ADAM32: variants seen among roughly 807,000 people sequenced by gnomAD.
The protein encoded by ADAM32 is ADAM metallopeptidase domain 32.
Under a neutral mutation model 114.9 loss-of-function variants are expected in ADAM32, and 89 were observed. The ratio of observed to expected loss-of-function variants is 0.77; its 90% CI spans 0.65 to 0.92. ADAM32 has a LOEUF of 0.92. Among genes scored for constraint, ADAM32 ranks in the 40% least tolerant of loss-of-function variants. The pLI is 0.00. For synonymous variants in ADAM32, 285 were observed against 307.5 expected (o/e 0.93, Z 0.77); for missense variants, 870 against 932.8 (o/e 0.93, Z 0.88).
intron 12 of ADAM32, among the ~76,000 whole-genome samples, chr8:39,216,042 T>C (rs530017754): frequency 6.0e-4 from 91 of 152,160 alleles, no homozygotes; most frequent in African/African-American, 2.1e-3. Context: ...AGCTCTCTCT[T>C]TAGCTCTAAT....
intron 10 of ADAM32, among the ~76,000 whole-genome samples, chr8:39,181,121 G>C (rs1239499296): frequency 6.6e-6 from 1 of 152,236 alleles, no homozygotes; most frequent in Admixed American, 6.5e-5. Context: ...GCCAGCAGTG[G>C]CAACCCGCTT....
Position 39,279,739 on chromosome 8 carries a change from T to A in ADAM32, c.2280-1397T>A, listed in dbSNP as rs9918744. ...CCTGCCTTGATTTGTGTGGAGATCC[T>A]AAATATTTCAATTTTGAAGATTTTT... On this transcript the variant is annotated intron_variant, in intron 22 of 24. Transcript: ENST00000379907. Among the ~76,000 whole-genome samples, 901 of 152,282 alleles carry A rather than the reference T, an allele frequency of 5.9e-3. 11 individuals carry two copies. Among genetic ancestry groups the A allele is most frequent in the African/African-American group, 0.02 (827 of 41,560 alleles).
At position 39,203,506 on chromosome 8, in the gene ADAM32, A is replaced by G. The variant is rs184358208; in HGVS notation, c.1053-7638A>G. ...TTGGTAGATCGTCCTCCATCCCTTT[A>G]TTTTGAGCCTATGTGTGTCTCTGCA... On this transcript the variant is annotated intron_variant, in intron 11 of 24. Coordinates refer to ENST00000379907, the MANE Select transcript of ADAM32 (RefSeq NM_145004.7). Among the ~76,000 whole-genome samples the G allele has an allele frequency of 4.6e-5, 7 of 152,024 alleles. No individual in the cohort carries two copies. The East Asian group carries it at 1.2e-3, about 25-fold the overall frequency.
intron 2 of ADAM32, 141 bp downstream of exon 2, chr8:39,118,306 G>T: frequency 2.2e-6 from 1 of 445,500 alleles, no homozygotes; most frequent in Non-Finnish European, 3.8e-6. Flanking sequence ...AAGCTTTGAT[G>T]GTAAAAGCAA....
chr8:39,137,633 T>C (rs1348934771), intron 3 of ADAM32, among the ~76,000 whole-genome samples: 2 of 151,926 alleles, frequency 1.3e-5, no homozygotes, highest in African/African-American at 4.8e-5. Context: ...TAGCCAGGCA[T>C]GGTGGCGTGC....
In ADAM32 at chr8:39,210,326, G is replaced by A. The variant is rs116381052; in HGVS notation, c.1053-818G>A. 3.6e-3 allele frequency among the ~76,000 whole-genome samples: 554 copies of A among 152,314 alleles called. 5 individuals carry two copies. Among genetic ancestry groups the A allele is most frequent in the African/African-American group, 0.012 (509 of 41,566 alleles). On this transcript the variant is annotated intron_variant, in intron 11 of 24. Transcript: ENST00000379907. Reference sequence around the variant, plus strand: ...GGGATGGTGTAGGCAACGCAAAACTGTCATTCCTATGCTCTTCAATGTGTC... The same window carrying A: ...GGGATGGTGTAGGCAACGCAAAACTATCATTCCTATGCTCTTCAATGTGTC...
chr8:39,250,941 C>T (rs1811246210), intron 17 of ADAM32, among the ~76,000 whole-genome samples: 1 of 151,862 alleles, frequency 6.6e-6, no homozygotes, highest in Admixed American at 6.6e-5. Context: ...TCTTTCTGTG[C>T]TTATCCTATT....
At chr8:39,283,703 C>T in intron 24 of ADAM32, 79 bp downstream of exon 24, 10 of 1,178,578 alleles carry the variant, frequency 8.5e-6, no homozygotes, top group Non-Finnish European at 1.1e-5. Context: ...CTATTAATTC[C>T]TAAGTATGGA....
At chr8:39,229,586 A>G (rs1809602357) in intron 14 of ADAM32, among the ~76,000 whole-genome samples, 1 of 152,222 alleles carries the variant, frequency 6.6e-6, no homozygotes, top group Admixed American at 6.5e-5. Flanking sequence ...AAGCAACAGC[A>G]TTTAAAAGAG....
chr8:39,237,051 GA>G (rs1285225817), intron 16 of ADAM32, among the ~76,000 whole-genome samples: 1 of 152,200 alleles, frequency 6.6e-6, no homozygotes. Context: ...GTGAGTGGGG[GA>G]AAGTCTGGCT....
intron 11 of ADAM32, among the ~76,000 whole-genome samples, chr8:39,189,048 G>C (rs1806431200): frequency 6.6e-6 from 1 of 152,056 alleles, no homozygotes; most frequent in Admixed American, 6.6e-5. Flanking sequence ...CACTTTAGCA[G>C]GTGCCAGTAA....
chr8:39,214,124 TG>T (rs1238353103), intron 12 of ADAM32, among the ~76,000 whole-genome samples: 1 of 152,200 alleles, frequency 6.6e-6, no homozygotes, highest in Non-Finnish European at 1.5e-5. Context: ...TCCTGGCTAT[TG>T]AGAATAGTGC....
chr8:39,233,068 TGTTACCAGAAAG>T (rs1207459850), intron 15 of ADAM32, among the ~76,000 whole-genome samples: 1 of 152,186 alleles, frequency 6.6e-6, no homozygotes, highest in Non-Finnish European at 1.5e-5. Flanking sequence ...TCTCTAGTAT[TGTTACCAGAAAG>T]GGGTCTGAAT....
At chr8:39,188,457 T>C (rs776512581) in intron 11 of ADAM32, among the ~76,000 whole-genome samples, 3 of 152,178 alleles carry the variant, frequency 2.0e-5, no homozygotes, top group Non-Finnish European at 2.9e-5. Context: ...TCATTGTTCA[T>C]ATGGCCAGCT....
intron 19 of ADAM32, among the ~76,000 whole-genome samples, chr8:39,260,705 T>C (rs1811968456): frequency 6.6e-6 from 1 of 152,126 alleles, no homozygotes; most frequent in South Asian, 2.1e-4. Flanking sequence ...TATTGGCCTA[T>C]TATTTTCTTT....
At chr8:39,209,695 A>G (rs1203068576) in intron 11 of ADAM32, among the ~76,000 whole-genome samples, 1 of 152,160 alleles carries the variant, frequency 6.6e-6, no homozygotes, top group Non-Finnish European at 1.5e-5. Context: ...ACTAGATAGC[A>G]CCTTAAGCTC....
rs747125299 is a variant in ADAM32 at position 39,211,221 on chromosome 8, A to G, written c.1130A>G (p.Lys377Arg). ...AATTTCATTTCAAATGTGGGTGTCA[A>G]ATGTCTTCAGAATAAGCCACAAATG... ...FQNFISNVGV[K>R]CLQNKPQMQK... Residue 377 changes from lysine to arginine, a missense_variant, in exon 12 of 25, where the codon AAA becomes AGA. Physicochemically the swap from Lys to Arg is conservative, Grantham distance 26. Transcript: ENST00000379907. The G allele has an allele frequency of 5.6e-6, 9 of 1,608,290 alleles. No homozygotes were observed. In the Admixed American group the frequency reaches 1.5e-4, roughly 27 times the overall value.
At chr8:39,114,832 A>T (rs998669551) in intron 1 of ADAM32, among the ~76,000 whole-genome samples, 17 of 152,170 alleles carry the variant, frequency 1.1e-4, no homozygotes, top group African/African-American at 3.9e-4. Context: ...TAGTGAGCAC[A>T]GTATCTGAGA....
At chr8:39,132,038 CAT>C (rs1802494466) in intron 2 of ADAM32, 1 of 271,134 alleles carries the variant, frequency 3.7e-6, no homozygotes, top group Non-Finnish European at 7.8e-6. Flanking sequence ...GGATTACAGG[CAT>C]GCACCACCAC....
Sources: allele counts gnomAD v4.1 joint callset (sites outside exome capture counted in the v4.1 genomes callset), GRCh38; gene constraint gnomAD v4.1.1; transcripts MANE v1.5; gene names NCBI Gene and HGNC (gene_info 2026-07-23, HGNC 2026-07-21).